CCAR2: variants seen among roughly 807,000 people sequenced by gnomAD.
The protein encoded by CCAR2 is cell cycle and apoptosis regulator 2, also known as cell cycle and apoptosis regulator protein 2.
CCAR2 carries 21 observed loss-of-function variants against 108.1 expected under a neutral mutation model. The ratio of observed to expected loss-of-function variants is 0.19; its 90% confidence interval spans 0.14 to 0.28. The LOEUF (loss-of-function observed/expected upper bound fraction) is 0.28. Among genes scored for constraint, CCAR2 ranks in the 10% least tolerant of loss-of-function variants. The probability of loss-of-function intolerance (pLI) is 1.00; values close to 1 mark genes in which losing one functional copy is unlikely to be tolerated. For synonymous variants in CCAR2, 577 were observed against 472.8 expected (o/e 1.22, Z -2.86); for missense variants, 1,126 against 1,177.0 (o/e 0.96, Z 0.63).
Position 22,615,775 on chromosome 8 carries a change from C to A in CCAR2, c.1471C>A (p.Gln491Lys), listed in dbSNP as rs1801479428. ...NAETPEATTQ[Q>K]ETDTDLPEAP... Reference sequence around the variant, plus strand: ...AGAAACTCCAGAGGCCACCACACAGCAGGAAACGGACACTGATCTCCCAGA... The same window carrying A: ...AGAAACTCCAGAGGCCACCACACAGAAGGAAACGGACACTGATCTCCCAGA... The change falls in exon 13 of 21, where the codon CAG becomes AAG. Residue 491 changes from glutamine (Q) to lysine (K), a missense_variant. Gln to Lys is a moderately conservative substitution (Grantham distance 53, BLOSUM62 1). This residue lies in a region of CCAR2 where 1,013 missense variants were observed against 993.9 expected (regional missense o/e 1.02). Transcript: ENST00000308511. 6.2e-7 allele frequency: 1 copy of A among 1,613,962 alleles called. No individual in the cohort carries two copies. Among genetic ancestry groups the A allele is most frequent in the Non-Finnish European group, 8.5e-7 (1 of 1,180,018 alleles).
chr8:22,613,594 C>G (rs1368810908), intron 8 of CCAR2, among the ~76,000 whole-genome samples: 1 of 152,186 alleles, frequency 6.6e-6, no homozygotes, highest in African/African-American at 2.4e-5. Flanking sequence ...GCCCCTTCTG[C>G]TCTAACCAGT....
intron 7 of CCAR2, among the ~76,000 whole-genome samples, chr8:22,611,386 A>ATGTGTGTGTGTGTG (rs200942064): frequency 4.7e-3 from 42 of 9,028 alleles, no homozygotes; most frequent in African/African-American, 0.011. Context: ...AAAAGTATAT[A>ATGTGTGTGTGTGTG]TATGTGTGTG....
rs1801053643 is a variant in CCAR2 at position 22,605,811 on chromosome 8, C to T, written c.38C>T (p.Pro13Leu). 1 of 1,614,016 alleles carries T rather than the reference C, an allele frequency of 6.2e-7. No homozygotes were observed. The highest frequency in any genetic ancestry group is 1.7e-5 in the Admixed American group (1 of 60,010). Residue 13 changes from proline (P) to leucine (L), a missense_variant, in exon 2 of 21, where the codon CCA becomes CTA. Pro to Leu is a moderately conservative substitution (Grantham distance 98). This residue lies in a region of CCAR2 where 52 missense variants were observed against 63.7 expected (regional missense o/e 0.82). Coordinates refer to ENST00000308511, the MANE Select transcript of CCAR2 (RefSeq NM_001393997.1). ...QFKRQRINPL[P>L]GGRNFSGTAS... ...AAGCGCCAGCGGATCAACCCGCTTC[C>T]AGGGGGACGCAACTTCTCAGGTGAT... is the stretch of plus-strand genomic sequence containing the variant.
At chr8:22,609,296 C>CA (rs1801195000) in intron 7 of CCAR2, among the ~76,000 whole-genome samples, 1 of 152,090 alleles carries the variant, frequency 6.6e-6, no homozygotes, top group South Asian at 2.1e-4. Flanking sequence ...CCTATCTCTA[C>CA]AAAAAATAAG....
downstream of CCAR2, chr8:22,621,156 C>T: frequency 2.2e-6 from 1 of 447,026 alleles, no homozygotes; most frequent in Non-Finnish European, 4.0e-6. Flanking sequence ...GGCCGTGGGC[C>T]AGGATGCATG....
rs1801622508 is a variant in CCAR2 at position 22,618,692 on chromosome 8, G to A, written c.2296G>A (p.Gly766Ser). The change falls in exon 18 of 21, where the codon GGC becomes AGC. Residue 766 changes from glycine to serine, a missense_variant. By Grantham distance (56) the Gly-to-Ser change is moderately conservative. Coordinates refer to ENST00000308511, the MANE Select transcript of CCAR2 (RefSeq NM_001393997.1). ...YRSLQYSRQE[G>S]LDGGLPEEVL... ...GAGCCTTCAGTACAGCCGCCAGGAG[G>A]GCCTGGATGGTGGCCTTCCCGAGGA... The A allele has an allele frequency of 1.9e-6, 3 of 1,613,952 alleles. No individual in the cohort carries two copies. In the Admixed American group the frequency reaches 5.0e-5, roughly 27 times the overall value.
In CCAR2 at chr8:22,618,732, T is replaced by G; in HGVS notation, c.2332+4T>G. Reference sequence around the variant, plus strand: ...CTTCCCGAGGAGGTGCTCTTCGGTATGTTCTGGGGCCCTGCAGCCTTCCTG... The same window carrying G: ...CTTCCCGAGGAGGTGCTCTTCGGTAGGTTCTGGGGCCCTGCAGCCTTCCTG... On this transcript the variant is annotated splice_donor_region_variant and intron_variant, in intron 18 of 20. Transcript: ENST00000308511. 2 of 1,613,852 alleles carry G rather than the reference T, an allele frequency of 1.2e-6. No individual in the cohort carries two copies. The highest frequency in any genetic ancestry group is 2.2e-5 in the South Asian group (2 of 91,078).
Position 22,605,935 on chromosome 8 carries a change from G to A in CCAR2, c.58+104G>A, listed in dbSNP as rs1232649036. The A allele has an allele frequency of 3.0e-6, 4 of 1,340,238 alleles. No homozygotes were observed. The African/African-American group carries it at 5.8e-5, about 19-fold the overall frequency. The allele number at this position is 1,340,238 out of a possible 1,614,324, so 83.0% of individuals were successfully genotyped here. A position where few individuals can be genotyped will look rare whatever the true frequency, so the allele number is the denominator to read the frequency against. On this transcript the variant is annotated intron_variant, in intron 2 of 20. Transcript: ENST00000308511. ...AGCAATTTGCTGCTGATGTTCCTCT[G>A]GAAAGCAGGAGATGCCCACAGTGAT...
At chr8:22,608,605 C>T (rs1801166913) in intron 7 of CCAR2, among the ~76,000 whole-genome samples, 1 of 152,098 alleles carries the variant, frequency 6.6e-6, no homozygotes, top group African/African-American at 2.4e-5. Context: ...CTGATTTGGG[C>T]CTTTAGGGTA....
intron 11 of CCAR2, 156 bp from the exon 12 acceptor site, chr8:22,615,269 G>A (rs1006832223): frequency 2.3e-5 from 23 of 1,002,110 alleles, no homozygotes; most frequent in Non-Finnish European, 3.2e-5. Context: ...CATTTCTTGA[G>A]GACTTGGTCT....
At chr8:22,605,222 TC>T (rs1563900946) in intron 1 of CCAR2, 2 of 183,214 alleles carry the variant, frequency 1.1e-5, no homozygotes, top group Non-Finnish European at 2.3e-5. Context: ...GGGTCGGGCT[TC>T]CGGGGAGAGG....
At chr8:22,606,537 C>T (rs1253760788) in intron 3 of CCAR2, 70 bp from the exon 4 acceptor site, 3 of 1,260,008 alleles carry the variant, frequency 2.4e-6, no homozygotes, top group East Asian at 2.3e-5. Flanking sequence ...TGAGATGAGA[C>T]CTTCATGGCA....
At chr8:22,611,377 AAAGT>A (rs1241590941) in intron 7 of CCAR2, among the ~76,000 whole-genome samples, 77 of 55,366 alleles carry the variant, frequency 1.4e-3, no homozygotes, top group South Asian at 2.0e-3. Context: ...AAAAAAAAAA[AAAGT>A]ATATATATGT....
rs1348451185 is a variant in CCAR2 at position 22,614,390 on chromosome 8, G to T, written c.928G>T (p.Val310Leu). Residue 310 changes from valine to leucine, a missense_variant and splice_region_variant, in exon 10 of 21, where the codon GTA becomes TTA. Physicochemically the swap from Val to Leu is conservative, Grantham distance 32. This residue lies in a region of CCAR2 where 1,013 missense variants were observed against 993.9 expected (regional missense o/e 1.02). Transcript: ENST00000308511. ...GCTCTGAGTGTCTCCTCCTGCACAG[G>T]TACTGCTGCTCTCTTCCCCGGGGTT... is the stretch of plus-strand genomic sequence containing the variant. ...ADSDPAYSSK[V>L]LLLSSPGLEE... 6.2e-7 allele frequency: 1 copy of T among 1,614,120 alleles called. No homozygotes were observed.
chr8:22,605,588 C>T (rs1801038686), intron 1 of CCAR2, 148 bp from the exon 2 acceptor site: 10 of 604,420 alleles, frequency 1.7e-5, no homozygotes, highest in South Asian at 1.0e-4. Context: ...TCTTTCTTCT[C>T]TATATTCTCT....
intron 11 of CCAR2, 93 bp from the exon 12 acceptor site, chr8:22,615,332 G>A (rs1025431490): frequency 1.9e-5 from 27 of 1,451,626 alleles, no homozygotes; most frequent in South Asian, 1.5e-4. Context: ...TGCTCATTGA[G>A]TGCTGACTGG....
intron 19 of CCAR2, 45 bp from the exon 20 acceptor site, chr8:22,619,105 G>A (rs747059865): frequency 3.4e-5 from 55 of 1,601,652 alleles, no homozygotes; most frequent in Middle Eastern, 3.3e-4. Context: ...CTGTGCTCTG[G>A]GCCTTGATGG....
chr8:22,619,217 G>A lies in CCAR2; in HGVS notation c.2589G>A (p.Glu863=). 6.3e-7 allele frequency: 1 copy of A among 1,581,194 alleles called. No individual in the cohort carries two copies. The highest frequency in any genetic ancestry group is 8.6e-7 in the Non-Finnish European group (1 of 1,163,798). Residue 863 remains glutamate (E), a synonymous_variant, in exon 20 of 21, where the codon GAG becomes GAA. Transcript: ENST00000308511. ...TNKTLAAEMQ[E]LRVRLAEAEE... ...AGACGCTGGCGGCAGAGATGCAGGAGCTGCGAGTCCGGCTGGCGGAGGCCG... is the reference window on the plus strand; with the variant it reads ...AGACGCTGGCGGCAGAGATGCAGGAACTGCGAGTCCGGCTGGCGGAGGCCG...
intron 6 of CCAR2, 50 bp from the exon 7 acceptor site, chr8:22,607,918 AC>A: frequency 6.7e-7 from 1 of 1,498,542 alleles, no homozygotes; most frequent in Non-Finnish European, 9.3e-7. Flanking sequence ...GAGCTATTGC[AC>A]CCGGCCGGTT....
Sources: allele counts gnomAD v4.1 joint callset (sites outside exome capture counted in the v4.1 genomes callset), GRCh38; gene constraint gnomAD v4.1.1; regional missense constraint gnomAD v4.1.1; transcripts MANE v1.5; gene names NCBI Gene and HGNC (gene_info 2026-07-23, HGNC 2026-07-21).